The following LY75 variants were observed in gnomAD, a reference collection of about 807,000 sequenced individuals.
The protein encoded by LY75 is C-type lectin domain family 13 member B.
A neutral mutation model predicts 231.7 loss-of-function variants in LY75; 185 were observed. The ratio of observed to expected loss-of-function variants is 0.80; its 90% CI spans 0.71 to 0.90. LY75 has a LOEUF of 0.90. LY75 is among the 40% of genes least tolerant of loss of function. LY75 has a pLI of 0.00. For synonymous variants in LY75, 668 were observed against 689.0 expected, an observed-to-expected ratio of 0.97 and a Z score of 0.48; for missense variants, 1,947 against 2,050.2, an observed-to-expected ratio of 0.95 and a Z score of 0.97.
In LY75 at chr2:159,853,701, A is replaced by AAAAAC. The variant is rs1410195251; in HGVS notation, c.2596-9_2596-5dup. The AAAAAC allele has an allele frequency of 6.2e-7, 1 of 1,613,386 alleles. No homozygotes were observed. The highest frequency in any genetic ancestry group is 1.7e-5 in the Admixed American group (1 of 60,016). On this transcript the variant is annotated splice_region_variant and splice_polypyrimidine_tract_variant and intron_variant, in intron 18 of 34. Transcript: ENST00000263636. ...ACTTCTGTCCATCACCAGATATCTG[A>AAAAAC]AAAACAAGCCAAACATCCATCCTTA...
At chr2:159,819,473 A>G (rs1302366950) in intron 29 of LY75, among the ~76,000 whole-genome samples, 6 of 152,052 alleles carry the variant, frequency 3.9e-5, no homozygotes, top group African/African-American at 1.2e-4. Context: ...GCCTGTATCA[A>G]TTAATCTAAG....
At chr2:159,889,648 G>A (rs1685694217) in intron 4 of LY75, among the ~76,000 whole-genome samples, 1 of 152,014 alleles carries the variant, frequency 6.6e-6, no homozygotes, top group African/African-American at 2.4e-5. Flanking sequence ...GTCTTTTAAA[G>A]TTTTTATTTA....
rs1027248388 is a variant in LY75, at chr2:159,904,730, TCCCGCCCCGCCTGCTGAGCGCGG to T, written c.-71_-49del. 5.6e-5 allele frequency: 76 copies of T among 1,369,054 alleles called. No individual in the cohort carries two copies. The highest frequency in any genetic ancestry group is 6.8e-5 in the Non-Finnish European group (73 of 1,067,062). The allele number at this position is 1,369,054 out of a possible 1,614,324, so 84.8% of individuals were successfully genotyped here. ...GGCCGGGTCCTCGGGCGCACGCGGC[TCCCGCCCCGCCTGCTGAGCGCGG>T]CCTGCCCCGCCCGCACCTCTGTCTA... On this transcript the variant is annotated 5_prime_UTR_variant, in exon 1 of 35. Coordinates refer to ENST00000263636, the MANE Select transcript of LY75 (RefSeq NM_002349.4).
chr2:159,803,542 T>C lies in LY75; in HGVS notation c.*1502A>G, dbSNP rs1168538558. The C allele has an allele frequency of 6.6e-6, 1 of 152,228 alleles. No individual in the cohort carries two copies. Among genetic ancestry groups the C allele is most frequent in the African/African-American group, 2.4e-5 (1 of 41,460 alleles). The allele number at this position is 152,228 out of a possible 1,614,324, so 9.4% of individuals were successfully genotyped here. On this transcript the variant is annotated 3_prime_UTR_variant, in exon 35 of 35. Coordinates refer to ENST00000263636, the MANE Select transcript of LY75 (RefSeq NM_002349.4). The stretch of plus-strand genomic sequence containing the variant: ...GAAATCAGGACAACTGTAGACTATA[T>C]AAAAACTGTCTTAGAAAATTATTTA...
intron 25 of LY75, 152 bp from the exon 26 acceptor site, chr2:159,835,797 A>C: frequency 9.7e-7 from 1 of 1,026,170 alleles, no homozygotes; most frequent in Non-Finnish European, 1.4e-6. Context: ...ATTGTTCTAA[A>C]TGCTTTACAA....
chr2:159,904,595 G>T lies in LY75; in HGVS notation c.88C>A (p.Arg30Ser), dbSNP rs1457452694. 2 of 1,507,904 alleles carry T rather than the reference G, an allele frequency of 1.3e-6. No homozygotes were observed. Among genetic ancestry groups the T allele is most frequent in the African/African-American group, 1.4e-5 (1 of 69,100 alleles). The allele number at this position is 1,507,904 out of a possible 1,614,324, so 93.4% of individuals were successfully genotyped here. Residue 30 changes from arginine to serine, a missense_variant, in exon 1 of 35, where the codon CGC becomes AGC. Arg to Ser is a moderately radical substitution (Grantham distance 110, BLOSUM62 -1). Transcript: ENST00000263636. Reference protein sequence around the residue: ...WFFDLAEPSGRAANDPFTIVH... With the variant: ...WFFDLAEPSGSAANDPFTIVH... The stretch of plus-strand genomic sequence containing the variant: ...CTGGCGTGCCCGCGGTTACCTGCGC[G>T]GCCAGAGGGCTCCGCGAGATCGAAG...
At chr2:159,862,549 T>C (rs1684743782) in intron 14 of LY75, among the ~76,000 whole-genome samples, 1 of 152,268 alleles carries the variant, frequency 6.6e-6, no homozygotes, top group South Asian at 2.1e-4. Context: ...ACTATACATA[T>C]GGGTTTTTAA....
At chr2:159,845,359 T>A (rs1031931161) in intron 23 of LY75, among the ~76,000 whole-genome samples, 4 of 152,084 alleles carry the variant, frequency 2.6e-5, no homozygotes, top group Non-Finnish European at 4.4e-5. Flanking sequence ...GTATAATTAA[T>A]CCTATTATAG....
chr2:159,817,360 A>G (rs1683151666), intron 29 of LY75, among the ~76,000 whole-genome samples: 1 of 152,254 alleles, frequency 6.6e-6, no homozygotes, highest in Non-Finnish European at 1.5e-5. Context: ...CATTTGAATG[A>G]GAAGAGTCAG....
intron 16 of LY75, among the ~76,000 whole-genome samples, chr2:159,857,036 T>A (rs1684568427): frequency 6.6e-6 from 1 of 152,198 alleles, no homozygotes; most frequent in Non-Finnish European, 1.5e-5. Context: ...AGAGACATTG[T>A]CCGAATTAAT....
rs984261193 is a variant in LY75, at chr2:159,904,663, G to A, written c.20C>T (p.Thr7Ile). Residue 7 changes from threonine (T) to isoleucine (I), a missense_variant, in exon 1 of 35, where the codon ACC becomes ATC. Coordinates refer to ENST00000263636, the MANE Select transcript of LY75 (RefSeq NM_002349.4). MRTGWA[T>I]PRRPAGLLML... ...GAGGAGCCCCGCCGGGCGGCGAGGG[G>A]TCGCCCAGCCTGTCCTCATCCTGAG... 4.0e-6 allele frequency: 6 copies of A among 1,487,484 alleles called. No homozygotes were observed. The highest frequency in any genetic ancestry group is 1.3e-5 in the South Asian group (1 of 79,268). The allele number at this position is 1,487,484 out of a possible 1,614,324, so 92.1% of individuals were successfully genotyped here.
intron 28 of LY75, among the ~76,000 whole-genome samples, chr2:159,825,432 C>T (rs1362988015): frequency 6.6e-6 from 1 of 152,162 alleles, no homozygotes; most frequent in East Asian, 1.9e-4. Context: ...CCTGAATAAG[C>T]CAATAACAAG....
intron 13 of LY75, among the ~76,000 whole-genome samples, chr2:159,865,482 A>C (rs1406589617): frequency 6.6e-6 from 1 of 152,172 alleles, no homozygotes. Flanking sequence ...TTATACTTTT[A>C]TGTAAAAGGC....
At chr2:159,812,506 G>A (rs769391860) in intron 31 of LY75, 2 of 152,082 alleles carry the variant, frequency 1.3e-5, no homozygotes, top group Admixed American at 1.3e-4. Context: ...CAAACTCTTG[G>A]GTGCAATAGA....
chr2:159,882,038 A>T, intron 7 of LY75, 86 bp downstream of exon 7: 1 of 1,466,664 alleles, frequency 6.8e-7, no homozygotes, highest in African/African-American at 1.4e-5. Flanking sequence ...TCAAACTGTA[A>T]GCTTTTCATT....
Position 159,904,740 on chromosome 2 carries a change from C to A in LY75, c.-58G>T, listed in dbSNP as rs1043149132. 1.2e-5 allele frequency: 16 copies of A among 1,359,452 alleles called. No homozygotes were observed. In the East Asian group the frequency reaches 4.7e-4, roughly 40 times the overall value. 84.2% of individuals were successfully genotyped at this position (1,359,452 alleles called of 1,614,324 possible). A position where few individuals can be genotyped will look rare whatever the true frequency, so the allele number is the denominator to read the frequency against. On this transcript the variant is annotated 5_prime_UTR_variant, in exon 1 of 35. Transcript: ENST00000263636. Reference sequence around the variant, plus strand: ...TCGGGCGCACGCGGCTCCCGCCCCGCCTGCTGAGCGCGGCCTGCCCCGCCC... The same window carrying A: ...TCGGGCGCACGCGGCTCCCGCCCCGACTGCTGAGCGCGGCCTGCCCCGCCC...
At chr2:159,848,125 TATATATATGG>T (rs2125852275) in intron 23 of LY75, among the ~76,000 whole-genome samples, 1 of 123,508 alleles carries the variant, frequency 8.1e-6, no homozygotes, top group South Asian at 2.5e-4. Context: ...ATATATACGG[TATATATATGG>T]TGTGTATTTA....
chr2:159,853,953 A>G (rs1684476035), intron 18 of LY75, among the ~76,000 whole-genome samples: 1 of 152,242 alleles, frequency 6.6e-6, no homozygotes, highest in Non-Finnish European at 1.5e-5. Context: ...CTAATACTTT[A>G]AGTGGGCATA....
chr2:159,832,130 C>T (rs961853530), intron 27 of LY75, among the ~76,000 whole-genome samples: 11 of 152,088 alleles, frequency 7.2e-5, no homozygotes, highest in African/African-American at 1.7e-4. Context: ...TCAAAGATTA[C>T]GCTATAATAA....
Sources: allele counts gnomAD v4.1 joint callset (sites outside exome capture counted in the v4.1 genomes callset), GRCh38; gene constraint gnomAD v4.1.1; transcripts MANE v1.5; gene names NCBI Gene and HGNC (gene_info 2026-07-23, HGNC 2026-07-21).